The following ABI1 variants were observed in gnomAD, a reference collection of about 807,000 sequenced individuals.
ABI1 encodes Abelson interactor 1.
A neutral mutation model predicts 54.6 loss-of-function variants in ABI1; 14 were observed. That is an observed-to-expected ratio of 0.26 (90% confidence interval 0.17 to 0.40). ABI1 has a LOEUF of 0.40. Among genes scored for constraint, ABI1 ranks in the 10% least tolerant of loss-of-function variants. The pLI is 1.00. For missense variants in ABI1, 443 were observed against 598.3 expected, an observed-to-expected ratio of 0.74 and a Z score of 2.71; for synonymous variants, 194 against 209.3, an observed-to-expected ratio of 0.93 and a Z score of 0.63.
intron 7 of ABI1, chr10:26,763,740 A>T: frequency 1.5e-6 from 1 of 668,752 alleles, no homozygotes; most frequent in South Asian, 1.8e-5. Context: ...GAAGTTAGTG[A>T]TATTAGATTT....
intron 1 of ABI1, among the ~76,000 whole-genome samples, chr10:26,828,323 C>G (rs1207067387): frequency 6.6e-6 from 1 of 152,090 alleles, no homozygotes; most frequent in Non-Finnish European, 1.5e-5. Flanking sequence ...ATAACAGATA[C>G]AGTAATAATA....
intron 7 of ABI1, 57 bp from the exon 8 acceptor site, chr10:26,759,295 T>C: frequency 1.3e-6 from 2 of 1,508,498 alleles, no homozygotes; most frequent in Non-Finnish European, 1.8e-6. Flanking sequence ...GTAATCACCT[T>C]AGATGGCAGA....
In ABI1 at chr10:26,823,176, G is replaced by C. The variant is rs748622495; in HGVS notation, c.247C>G (p.Leu83Val). Reference sequence around the variant, plus strand: ...TTGATGGAAGACTCCATTCTCCGAAGCTGAGAGGCTTGGATATCCAGCAAC... The same window carrying C: ...TTGATGGAAGACTCCATTCTCCGAACCTGAGAGGCTTGGATATCCAGCAAC... ...LQLLDIQASQ[L>V]RRMESSINHI... Residue 83 changes from leucine (L) to valine (V), a missense_variant, in exon 2 of 11, where the codon CTT (leucine) becomes GTT (valine). Leu to Val is a conservative substitution (Grantham distance 32). Coordinates refer to ENST00000376140, the MANE Select transcript of ABI1 (RefSeq NM_001012750.3). 1 of 1,601,054 alleles carries C rather than the reference G, an allele frequency of 6.2e-7. No individual in the cohort carries two copies. Among genetic ancestry groups the C allele is most frequent in the Admixed American group, 1.8e-5 (1 of 56,718 alleles).
At chr10:26,819,176 A>G (rs1480009389) in intron 2 of ABI1, among the ~76,000 whole-genome samples, 1 of 152,194 alleles carries the variant, frequency 6.6e-6, no homozygotes, top group Non-Finnish European at 1.5e-5. Context: ...ATAATAAAAG[A>G]GAGAAGCAGA....
intron 1 of ABI1, among the ~76,000 whole-genome samples, chr10:26,847,465 A>C (rs1314683876): frequency 1.3e-5 from 2 of 152,086 alleles, no homozygotes; most frequent in Non-Finnish European, 2.9e-5. Context: ...TTAACAAAAA[A>C]ATAACAAAAA....
At chr10:26,827,567 G>C (rs2048381468) in intron 1 of ABI1, among the ~76,000 whole-genome samples, 1 of 148,176 alleles carries the variant, frequency 6.7e-6, no homozygotes, top group Admixed American at 6.8e-5. Context: ...CTCCCTATCA[G>C]CAATAAGGCT....
chr10:26,803,727 T>C (rs1371507833), intron 2 of ABI1, among the ~76,000 whole-genome samples: 1 of 152,196 alleles, frequency 6.6e-6, no homozygotes. Context: ...ATTGACATCG[T>C]GCCCTATTTG....
rs185947066 is a variant in ABI1, at chr10:26,760,487, T to C, written c.821-1249A>G. Among the ~76,000 whole-genome samples, 295 of 152,332 alleles carry C rather than the reference T, an allele frequency of 1.9e-3. 2 individuals carry two copies. The highest frequency in any genetic ancestry group is 1.5e-3 in the East Asian group (8 of 5,188). ...AGGCAGTCACCAATTATTTGAATCA[T>C]CCACATGCTCATTTTCTAAATAGAA... is the stretch of plus-strand genomic sequence containing the variant. On this transcript the variant is annotated intron_variant, in intron 7 of 10. Transcript: ENST00000376140.
At chr10:26,845,338 G>C (rs1409193742) in intron 1 of ABI1, among the ~76,000 whole-genome samples, 1 of 151,984 alleles carries the variant, frequency 6.6e-6, no homozygotes, top group African/African-American at 2.4e-5. Context: ...TTTCTACATA[G>C]CTTATAAATA....
At chr10:26,834,623 T>TA (rs1219878275) in intron 1 of ABI1, among the ~76,000 whole-genome samples, 1 of 150,222 alleles carries the variant, frequency 6.7e-6, no homozygotes, top group Non-Finnish European at 1.5e-5. Context: ...GGCAAACAGG[T>TA]ATGTGAAAAA....
intron 2 of ABI1, among the ~76,000 whole-genome samples, chr10:26,788,561 C>G (rs1159153227): frequency 6.6e-6 from 1 of 152,072 alleles, no homozygotes; most frequent in Non-Finnish European, 1.5e-5. Context: ...TCCAGTTTTG[C>G]CACTGGCAAT....
rs2051199493 is a variant in ABI1, at chr10:26,860,326, G to A, written c.117+421C>T. Reference sequence around the variant, plus strand: ...CCTCTCCTCTCCCCTCTCCCGTCCTGGACCTCCTCTCCCGGCGCAGAGAGG... The same window carrying A: ...CCTCTCCTCTCCCCTCTCCCGTCCTAGACCTCCTCTCCCGGCGCAGAGAGG... On this transcript the variant is annotated intron_variant, in intron 1 of 10. Coordinates refer to ENST00000376140, the MANE Select transcript of ABI1 (RefSeq NM_001012750.3). The surrounding 1 kb of genome is among the most constrained non-coding windows in gnomAD (Gnocchi z 4.1). Among the ~76,000 whole-genome samples the A allele has an allele frequency of 6.6e-6, 1 of 151,960 alleles. No homozygotes were observed. The highest frequency in any genetic ancestry group is 6.6e-5 in the Admixed American group (1 of 15,262).
chr10:26,803,469 C>G (rs2046687548), intron 2 of ABI1, among the ~76,000 whole-genome samples: 1 of 152,102 alleles, frequency 6.6e-6, no homozygotes, highest in Non-Finnish European at 1.5e-5. Flanking sequence ...ACAAGAATTG[C>G]AAGGCAGAGT....
chr10:26,834,548 AACACACACACACACACACACACACAC>A (rs571268846), intron 1 of ABI1, among the ~76,000 whole-genome samples: 2 of 138,546 alleles, frequency 1.4e-5, no homozygotes, highest in African/African-American at 5.4e-5. Context: ...AGACATACAA[AACACACACACACACACACACACACAC>A]ACACACACAC....
chr10:26,785,580 G>A (rs1842643307), intron 2 of ABI1, among the ~76,000 whole-genome samples: 1 of 152,054 alleles, frequency 6.6e-6, no homozygotes, highest in Non-Finnish European at 1.5e-5. Context: ...AAATTAGCCG[G>A]GCACGGTGGC....
intron 1 of ABI1, among the ~76,000 whole-genome samples, chr10:26,838,766 A>T (rs1273142101): frequency 1.3e-5 from 2 of 152,252 alleles, no homozygotes; most frequent in Non-Finnish European, 2.9e-5. Context: ...TAAGTGAAAT[A>T]TCCCACTTAG....
chr10:26,829,500 C>A (rs1276013695), intron 1 of ABI1, among the ~76,000 whole-genome samples: 1 of 152,032 alleles, frequency 6.6e-6, no homozygotes, highest in Non-Finnish European at 1.5e-5. Flanking sequence ...CTTTGTGAGG[C>A]AATGTATGTT....
chr10:26,849,342 G>A (rs1177281554), intron 1 of ABI1, among the ~76,000 whole-genome samples: 4 of 152,024 alleles, frequency 2.6e-5, no homozygotes, highest in African/African-American at 4.8e-5. Context: ...TAAAAAAGCC[G>A]GTTTCACTTT....
chr10:26,833,769 T>TACACACACACACAC lies in ABI1; in HGVS notation c.118-10478_118-10465dup, dbSNP rs61653104. 4.7e-3 allele frequency among the ~76,000 whole-genome samples: 713 copies of TACACACACACACAC among 150,292 alleles called. 2 individuals are homozygous for TACACACACACACAC. The highest frequency in any genetic ancestry group is 0.01 in the Middle Eastern group (3 of 294). On this transcript the variant is annotated intron_variant, in intron 1 of 10. Coordinates refer to ENST00000376140, the MANE Select transcript of ABI1 (RefSeq NM_001012750.3). ...CAGATAATGTATATCACAATATTTA[T>TACACACACACACAC]ACACACACACACACACACACACACT...
Sources: allele counts gnomAD v4.1 joint callset (sites outside exome capture counted in the v4.1 genomes callset), GRCh38; gene constraint gnomAD v4.1.1; non-coding constraint Gnocchi (gnomAD v3.1); transcripts MANE v1.5; gene names NCBI Gene and HGNC (gene_info 2026-07-23, HGNC 2026-07-21).